The following ATG4C variants were observed in gnomAD, a reference collection of about 807,000 sequenced individuals.
ATG4C encodes the protein cysteine protease ATG4C.
Under a neutral mutation model 57.6 loss-of-function variants are expected in ATG4C, and 56 were observed. The observed-to-expected ratio is 0.97, with a 90% CI of 0.78 to 1.21. ATG4C has a LOEUF of 1.21. Among genes scored for constraint, ATG4C ranks in the 50% most tolerant of loss-of-function variants. The pLI, the probability that ATG4C is intolerant of heterozygous loss-of-function variation, is 0.00. For missense variants in ATG4C, 595 were observed against 529.8 expected, an observed-to-expected ratio of 1.12 and a Z score of -1.21; for synonymous variants, 157 against 174.1, an observed-to-expected ratio of 0.90 and a Z score of 0.78.
chr1:62,845,295 A>G (rs957364310), intron 10 of ATG4C, among the ~76,000 whole-genome samples: 1 of 152,166 alleles, frequency 6.6e-6, no homozygotes, highest in African/African-American at 2.4e-5. Context: ...TCTCGTGGAT[A>G]TGAATAGTAC....
chr1:62,847,883 T>C (rs189024983), intron 10 of ATG4C, among the ~76,000 whole-genome samples: 146 of 152,342 alleles, frequency 9.6e-4, no homozygotes, highest in African/African-American at 2.9e-3. Context: ...TCAGGTTTAC[T>C]GGAAGTGCCT....
At chr1:62,827,133 G>T (rs1665687924) in intron 6 of ATG4C, among the ~76,000 whole-genome samples, 2 of 152,072 alleles carry the variant, frequency 1.3e-5, no homozygotes, top group African/African-American at 4.8e-5. Context: ...TTCTTCAATG[G>T]CTTCCCATCA....
intron 10 of ATG4C, among the ~76,000 whole-genome samples, chr1:62,854,789 G>T (rs1666632999): frequency 6.6e-6 from 1 of 152,122 alleles, no homozygotes; most frequent in South Asian, 2.1e-4. Context: ...GTTAGTAAGT[G>T]GTGGTCTTTT....
At chr1:62,850,866 A>ATGTG (rs1666493611) in intron 10 of ATG4C, among the ~76,000 whole-genome samples, 1 of 69,846 alleles carries the variant, frequency 1.4e-5, no homozygotes, top group Non-Finnish European at 2.9e-5. Flanking sequence ...ATATATATAT[A>ATGTG]TATATATATA....
chr1:62,790,926 G>A (rs1664255700), intron 1 of ATG4C, among the ~76,000 whole-genome samples: 1 of 152,118 alleles, frequency 6.6e-6, no homozygotes, highest in Non-Finnish European at 1.5e-5. Context: ...CATAATTGTT[G>A]GGGGTACTTT....
At chr1:62,816,072 G>C (rs1326300191) in intron 3 of ATG4C, among the ~76,000 whole-genome samples, 1 of 152,150 alleles carries the variant, frequency 6.6e-6, no homozygotes, top group Non-Finnish European at 1.5e-5. Context: ...AATGCAGGTT[G>C]GCTAGTGATG....
chr1:62,795,201 ATCCTCAGTGGATAAAGTAG>A (rs1664421963), intron 1 of ATG4C, among the ~76,000 whole-genome samples: 1 of 152,214 alleles, frequency 6.6e-6, no homozygotes, highest in African/African-American at 2.4e-5. Context: ...TTGGCCTTAA[ATCCTCAGTGGATAAAGTAG>A]TCTACTTATT....
At chr1:62,804,284 G>A (rs560377827) in intron 2 of ATG4C, among the ~76,000 whole-genome samples, 1 of 151,826 alleles carries the variant, frequency 6.6e-6, no homozygotes, top group Non-Finnish European at 1.5e-5. Flanking sequence ...TAGAGATTGG[G>A]TTTCACCATG....
intron 1 of ATG4C, among the ~76,000 whole-genome samples, chr1:62,798,649 G>GTT (rs759176582): frequency 2.1e-5 from 3 of 143,088 alleles, no homozygotes; most frequent in Admixed American, 7.0e-5. Context: ...TTTAATATTT[G>GTT]TTTTTTTTTT....
rs151192641 is a variant in ATG4C, at chr1:62,802,714, A to G, written c.-68-1005A>G. On this transcript the variant is annotated intron_variant, in intron 1 of 10. Coordinates refer to ENST00000317868, the MANE Select transcript of ATG4C (RefSeq NM_032852.4). Reference sequence around the variant, plus strand: ...CAAGGCCGTTTGTGCTTTGGCATCTATATAACCCTATAGCCTCATCTCATG... The same window carrying G: ...CAAGGCCGTTTGTGCTTTGGCATCTGTATAACCCTATAGCCTCATCTCATG... 3.1e-3 allele frequency among the ~76,000 whole-genome samples: 473 copies of G among 152,324 alleles called. 2 individuals carry two copies. The highest frequency in any genetic ancestry group is 0.01 in the African/African-American group (436 of 41,572).
At chr1:62,805,982 T>C (rs191054951) in intron 3 of ATG4C, among the ~76,000 whole-genome samples, 13 of 152,202 alleles carry the variant, frequency 8.5e-5, no homozygotes, top group Non-Finnish European at 1.9e-4. Flanking sequence ...TGTTACAGTA[T>C]GTTGTTATCA....
At chr1:62,824,045 C>T (rs908523046) in intron 6 of ATG4C, among the ~76,000 whole-genome samples, 4 of 151,840 alleles carry the variant, frequency 2.6e-5, no homozygotes, top group Non-Finnish European at 4.4e-5. Flanking sequence ...AGGTAGCAGG[C>T]GTAGAAGTAA....
chr1:62,794,836 A>C (rs1331823421), intron 1 of ATG4C, among the ~76,000 whole-genome samples: 1 of 147,200 alleles, frequency 6.8e-6, no homozygotes, highest in East Asian at 1.9e-4. Flanking sequence ...TTCTGTAAAC[A>C]AAGAGGAGGG....
chr1:62,820,895 AT>A (rs534332040), intron 5 of ATG4C, among the ~76,000 whole-genome samples: 219 of 151,842 alleles, frequency 1.4e-3, no homozygotes, highest in African/African-American at 4.5e-3. Context: ...ATACCCAATA[AT>A]TTTTTTTAAT....
At chr1:62,849,481 T>A (rs1666434698) in intron 10 of ATG4C, among the ~76,000 whole-genome samples, 1 of 152,138 alleles carries the variant, frequency 6.6e-6, no homozygotes, top group Non-Finnish European at 1.5e-5. Context: ...TGCTCTCAGA[T>A]GCTTTCCAAC....
chr1:62,790,377 C>G (rs1262895371), intron 1 of ATG4C, among the ~76,000 whole-genome samples: 2 of 152,188 alleles, frequency 1.3e-5, no homozygotes, highest in African/African-American at 2.4e-5. Flanking sequence ...CTCATCTAAC[C>G]TATCCTACAA....
chr1:62,829,592 A>G (rs1665777505), intron 7 of ATG4C, among the ~76,000 whole-genome samples: 1 of 152,116 alleles, frequency 6.6e-6, no homozygotes, highest in African/African-American at 2.4e-5. Context: ...TGACACCATG[A>G]TGTCAATAAG....
Position 62,829,073 on chromosome 1 carries a change from C to CT in ATG4C, c.832dup (p.Ser278PhefsTer5). The CT allele has an allele frequency of 2.5e-6, 4 of 1,612,200 alleles. No individual in the cohort carries two copies. Among genetic ancestry groups the CT allele is most frequent in the Non-Finnish European group, 1.7e-6 (2 of 1,178,722 alleles). ...TCTGATGTAATTGATAAACAGAGTG[C>CT]TTCCATGACTTCTGATAATGCAGAT... On this transcript the variant is annotated frameshift_variant, in exon 7 of 11. Coordinates refer to ENST00000317868, the MANE Select transcript of ATG4C (RefSeq NM_032852.4). LOFTEE classifies it high-confidence loss of function.
chr1:62,786,146 TAA>T (rs1664074311), intron 1 of ATG4C, among the ~76,000 whole-genome samples: 1 of 152,212 alleles, frequency 6.6e-6, no homozygotes, highest in Admixed American at 6.5e-5. Context: ...TTAAGGAAAT[TAA>T]TTCAGTTCTT....
Sources: gnomAD v4.1 joint callset for allele counts (sites outside exome capture counted in the v4.1 genomes callset) on GRCh38, gnomAD v4.1.1 for gene constraint, MANE v1.5 for transcripts, NCBI Gene and HGNC (gene_info 2026-07-23, HGNC 2026-07-21) for gene names.